The following NCKAP5 variants were observed in gnomAD, a reference collection of about 807,000 sequenced individuals.
NCKAP5 encodes nck-associated protein 5.
A neutral mutation model predicts 167.0 loss-of-function variants in NCKAP5; 92 were observed. The ratio of observed to expected loss-of-function variants is 0.55; its 90% CI spans 0.47 to 0.66. The LOEUF (loss-of-function observed/expected upper bound fraction) is 0.66, where lower values mean the gene tolerates loss of function less well. Ranked by LOEUF, NCKAP5 falls within the 30% of genes least tolerant of loss-of-function variation. NCKAP5 has a pLI of 0.00. For missense variants in NCKAP5, 2,378 were observed against 2,315.0 expected (o/e 1.03, Z -0.56); for synonymous variants, 891 against 877.4 (o/e 1.02, Z -0.27).
In NCKAP5 at chr2:133,288,682, G is replaced by A. The variant is rs147972482; in HGVS notation, c.143+14355C>T. Among the ~76,000 whole-genome samples the A allele has an allele frequency of 1.9e-3, 285 of 151,826 alleles. 3 individuals are homozygous for A. The highest frequency in any genetic ancestry group is 6.6e-3 in the African/African-American group (272 of 41,368). On this transcript the variant is annotated intron_variant, in intron 4 of 19. Transcript: ENST00000409261. ...TGAAAGTGGTCACAGCCCTGACCTTGCTCTGGTGCCCTGGGTCCACCAGCA... is the reference window on the plus strand; with the variant it reads ...TGAAAGTGGTCACAGCCCTGACCTTACTCTGGTGCCCTGGGTCCACCAGCA...
At chr2:133,466,617 C>A (rs185138547) in intron 3 of NCKAP5, among the ~76,000 whole-genome samples, 14,404 of 152,138 alleles carry the variant, frequency 0.095, 785 homozygotes, top group African/African-American at 0.13. Context: ...GCCATTTTCA[C>A]GATATTGATT....
At position 133,322,124 on chromosome 2, in the gene NCKAP5, T is replaced by C. The variant is rs930357877; in HGVS notation, c.70-19014A>G. Among the ~76,000 whole-genome samples the C allele has an allele frequency of 2.3e-4, 35 of 152,228 alleles. 1 individual carries two copies. Among genetic ancestry groups the C allele is most frequent in the Non-Finnish European group, 1.0e-4 (7 of 68,038 alleles). On this transcript the variant is annotated intron_variant, in intron 3 of 19. Transcript: ENST00000409261. ...TGTCACTTTTGTAAAGCCCATCTTA[T>C]AAAGGTTTATTTAGCAGAAAGGCTA...
chr2:133,553,678 C>T (rs1421864337), intron 2 of NCKAP5, among the ~76,000 whole-genome samples: 1 of 152,060 alleles, frequency 6.6e-6, no homozygotes, highest in East Asian at 1.9e-4. Context: ...CCCTAGTCAC[C>T]CTGGAGCAGT....
chr2:132,681,601 A>C (rs1035418882), intron 19 of NCKAP5, among the ~76,000 whole-genome samples: 8 of 151,978 alleles, frequency 5.3e-5, no homozygotes, highest in Non-Finnish European at 1.2e-4. Flanking sequence ...GATCAGGTGA[A>C]TATAAAAAAA....
At chr2:132,906,595 T>C (rs1020527729) in intron 8 of NCKAP5, among the ~76,000 whole-genome samples, 3 of 152,154 alleles carry the variant, frequency 2.0e-5, no homozygotes, top group East Asian at 3.9e-4. Context: ...AGATCTGAAG[T>C]AGCTTGAGAG....
At chr2:133,326,314 C>T (rs1682439167) in intron 3 of NCKAP5, among the ~76,000 whole-genome samples, 1 of 151,950 alleles carries the variant, frequency 6.6e-6, no homozygotes, top group African/African-American at 2.4e-5. Flanking sequence ...ATTAGCTGGG[C>T]ATGGTGGCAC....
chr2:133,203,879 T>C (rs2085822956), intron 5 of NCKAP5, among the ~76,000 whole-genome samples: 2 of 152,220 alleles, frequency 1.3e-5, no homozygotes, highest in Admixed American at 6.5e-5. Context: ...ATCCACAGCA[T>C]TATTCTGAAG....
At chr2:133,192,215 T>C (rs2085256859) in intron 5 of NCKAP5, among the ~76,000 whole-genome samples, 1 of 152,028 alleles carries the variant, frequency 6.6e-6, no homozygotes, top group Non-Finnish European at 1.5e-5. Context: ...CTTCAAAAAA[T>C]AGTGGAAAAA....
intron 3 of NCKAP5, among the ~76,000 whole-genome samples, chr2:133,385,421 G>T (rs1489615946): frequency 7.7e-4 from 117 of 152,228 alleles, no homozygotes; most frequent in African/African-American, 1.6e-3. Flanking sequence ...TGGATAAGCT[G>T]TCGGATGTGC....
At chr2:132,969,890 T>G (rs2076782382) in intron 7 of NCKAP5, among the ~76,000 whole-genome samples, 1 of 152,250 alleles carries the variant, frequency 6.6e-6, no homozygotes, top group Admixed American at 6.5e-5. Flanking sequence ...GGTGGGGTTC[T>G]CTCTTGTTTC....
In NCKAP5 at chr2:132,728,241, G is replaced by T. The variant is rs531275545; in HGVS notation, c.5580+575C>A. Among the ~76,000 whole-genome samples the T allele has an allele frequency of 1.3e-3, 193 of 152,174 alleles. 1 individual carries two copies. The highest frequency in any genetic ancestry group is 4.5e-3 in the African/African-American group (188 of 41,512). On this transcript the variant is annotated intron_variant, in intron 18 of 19. Coordinates refer to ENST00000409261, the MANE Select transcript of NCKAP5 (RefSeq NM_207363.3). Reference sequence around the variant, plus strand: ...ATAACCCCCACTAGGAATGAGCAAGGAGTCCCTGAGCCAGACACCCATAGC... The same window carrying T: ...ATAACCCCCACTAGGAATGAGCAAGTAGTCCCTGAGCCAGACACCCATAGC...
the NCKAP5 span, among the ~76,000 whole-genome samples, chr2:133,628,821 G>C: frequency 3.3e-5 from 5 of 152,088 alleles, no homozygotes; most frequent in African/African-American, 1.2e-4. Flanking sequence ...AGAGAACTCA[G>C]AAATAAGACC....
At position 133,022,782 on chromosome 2, in the gene NCKAP5, C is replaced by G. The variant is rs1480769658; in HGVS notation, c.342-28543G>C. 5.9e-5 allele frequency among the ~76,000 whole-genome samples: 9 copies of G among 152,284 alleles called. No homozygotes were observed. In the East Asian group the frequency reaches 1.7e-3, roughly 29 times the overall value. ...CTATGCATGTAATAAATGTGTCCAC[C>G]TTTTCTCCTACTCATCTGTCTTACA... On this transcript the variant is annotated intron_variant, in intron 6 of 19. Transcript: ENST00000409261.
intron 7 of NCKAP5, among the ~76,000 whole-genome samples, chr2:132,989,752 C>A (rs148650870): frequency 8.6e-4 from 131 of 152,294 alleles, no homozygotes; most frequent in African/African-American, 3.0e-3. Context: ...CAGATAACTG[C>A]TCAGTTTAAC....
chr2:133,089,787 A>G (rs922010820), intron 6 of NCKAP5, among the ~76,000 whole-genome samples: 1 of 152,196 alleles, frequency 6.6e-6, no homozygotes, highest in African/African-American at 2.4e-5. Flanking sequence ...CCTGGTTCCC[A>G]CATATTAAAA....
At chr2:133,597,165 C>T in the NCKAP5 span, among the ~76,000 whole-genome samples, 4 of 152,298 alleles carry the variant, frequency 2.6e-5, no homozygotes, top group Middle Eastern at 3.4e-3. Context: ...CCACAGCATC[C>T]GGCAAAGCAG....
chr2:133,270,745 C>T (rs1368483294), intron 4 of NCKAP5, among the ~76,000 whole-genome samples: 2 of 152,080 alleles, frequency 1.3e-5, no homozygotes, highest in African/African-American at 4.8e-5. Flanking sequence ...TCACTTCAGC[C>T]TGATTGGTTG....
chr2:132,696,506 A>G (rs1017034996), intron 19 of NCKAP5, among the ~76,000 whole-genome samples: 2 of 152,170 alleles, frequency 1.3e-5, no homozygotes, highest in African/African-American at 4.8e-5. Flanking sequence ...TTGAAGTCCA[A>G]CGACTTCACT....
At chr2:132,698,520 A>C (rs1201286357) in intron 19 of NCKAP5, among the ~76,000 whole-genome samples, 1 of 152,088 alleles carries the variant, frequency 6.6e-6, no homozygotes, top group African/African-American at 2.4e-5. Flanking sequence ...CACCACCAGC[A>C]TTGACTGGGA....
Sources: gnomAD v4.1 joint callset for allele counts (sites outside exome capture counted in the v4.1 genomes callset) on GRCh38, gnomAD v4.1.1 for gene constraint, MANE v1.5 for transcripts, NCBI Gene and HGNC (gene_info 2026-07-23, HGNC 2026-07-21) for gene names.